Variants in DCC observed in about 807,000 individuals in gnomAD.
The protein encoded by DCC is DCC netrin 1 receptor.
In DCC, 58 loss-of-function variants were observed where a neutral mutation model predicts 172.5. The observed-to-expected ratio is 0.34, with a 90% CI of 0.27 to 0.42. The LOEUF (loss-of-function observed/expected upper bound fraction) is 0.42. DCC is among the 10% of genes least tolerant of loss of function. The probability of loss-of-function intolerance (pLI) is 1.00; values close to 1 mark genes in which losing one functional copy is unlikely to be tolerated. For missense variants in DCC, 1,740 were observed against 1,791.0 expected (o/e 0.97, Z 0.51); for synonymous variants, 709 against 644.5 (o/e 1.10, Z -1.52).
At chr18:53,446,096 TACAAAAAAAAAAAAAAA>T (rs1912583170) in intron 22 of DCC, among the ~76,000 whole-genome samples, 1 of 14,410 alleles carries the variant, frequency 6.9e-5, no homozygotes, top group Admixed American at 8.1e-4. Context: ...ACCCTGTCTC[TACAAAAAAAAAAAAAAA>T]ACAAAAAAAA....
intron 14 of DCC, among the ~76,000 whole-genome samples, chr18:53,323,501 T>C (rs1339842896): frequency 6.6e-6 from 1 of 152,204 alleles, no homozygotes; most frequent in Non-Finnish European, 1.5e-5. Flanking sequence ...TAAGAAACAC[T>C]TGGTTCTTTT....
intron 2 of DCC, among the ~76,000 whole-genome samples, chr18:52,899,980 A>G (rs2039787898): frequency 6.6e-6 from 1 of 152,240 alleles, no homozygotes; most frequent in Non-Finnish European, 1.5e-5. Flanking sequence ...GTATAGAATA[A>G]CATAGACTCG....
At chr18:53,248,567 C>T (rs535875981) in intron 12 of DCC, among the ~76,000 whole-genome samples, 21 of 152,134 alleles carry the variant, frequency 1.4e-4, no homozygotes, top group African/African-American at 4.8e-4. Context: ...GATAACCAAG[C>T]CTGGAAAATA....
intron 1 of DCC, among the ~76,000 whole-genome samples, chr18:52,493,090 A>T (rs1389361057): frequency 6.6e-6 from 1 of 152,106 alleles, no homozygotes; most frequent in Admixed American, 6.6e-5. Context: ...AAACCAAACC[A>T]TAGGGAATGG....
intron 1 of DCC, among the ~76,000 whole-genome samples, chr18:52,394,124 A>G (rs1986130185): frequency 6.6e-6 from 1 of 152,066 alleles, no homozygotes; most frequent in African/African-American, 2.4e-5. Context: ...TCATCTCTAA[A>G]GCCATACCTT....
At chr18:52,695,226 C>T (rs1300205523) in intron 1 of DCC, among the ~76,000 whole-genome samples, 1 of 152,184 alleles carries the variant, frequency 6.6e-6, no homozygotes, top group African/African-American at 2.4e-5. Context: ...GCCTCAATTT[C>T]TTCAGTTATA....
At chr18:52,490,579 C>G (rs980935266) in intron 1 of DCC, among the ~76,000 whole-genome samples, 2 of 152,084 alleles carry the variant, frequency 1.3e-5, no homozygotes, top group African/African-American at 4.8e-5. Flanking sequence ...GTGAAGGGCG[C>G]TTTCTGTTTT....
intron 5 of DCC, among the ~76,000 whole-genome samples, chr18:52,995,387 T>C (rs1353628657): frequency 6.6e-6 from 1 of 152,144 alleles, no homozygotes; most frequent in Non-Finnish European, 1.5e-5. Context: ...CCCATAATCT[T>C]GAGAAGTAAC....
At chr18:52,456,696 G>T (rs985701995) in intron 1 of DCC, among the ~76,000 whole-genome samples, 1 of 152,164 alleles carries the variant, frequency 6.6e-6, no homozygotes, top group Admixed American at 6.5e-5. Flanking sequence ...ATTGCTTAAA[G>T]CTGATGACGG....
chr18:52,939,334 C>T (rs879875290), intron 5 of DCC, among the ~76,000 whole-genome samples: 10 of 152,240 alleles, frequency 6.6e-5, no homozygotes, highest in Non-Finnish European at 1.2e-4. Context: ...TGATTAAGAC[C>T]ATCTCTCATA....
At chr18:53,271,415 G>A (rs1398966509) in intron 12 of DCC, among the ~76,000 whole-genome samples, 2 of 152,174 alleles carry the variant, frequency 1.3e-5, no homozygotes, top group Non-Finnish European at 2.9e-5. Flanking sequence ...GTATGATTCA[G>A]CTGGGTGCCT....
At chr18:52,886,175 G>A (rs2039566692) in intron 2 of DCC, among the ~76,000 whole-genome samples, 1 of 152,018 alleles carries the variant, frequency 6.6e-6, no homozygotes, top group Non-Finnish European at 1.5e-5. Flanking sequence ...ATCTCCCTAG[G>A]TCACATGCCA....
chr18:53,412,849 T>A (rs535549496), intron 20 of DCC, among the ~76,000 whole-genome samples: 2 of 152,256 alleles, frequency 1.3e-5, no homozygotes, highest in African/African-American at 4.8e-5. Flanking sequence ...AAAAGGACAT[T>A]TGTAATTAGA....
At chr18:52,706,926 C>A (rs1334980825) in intron 1 of DCC, among the ~76,000 whole-genome samples, 1 of 151,992 alleles carries the variant, frequency 6.6e-6, no homozygotes, top group Non-Finnish European at 1.5e-5. Context: ...CAGGGAGAGG[C>A]AATATCTAAG....
chr18:53,144,939 A>G (rs2043883264), intron 7 of DCC, among the ~76,000 whole-genome samples: 1 of 151,912 alleles, frequency 6.6e-6, no homozygotes, highest in African/African-American at 2.4e-5. Flanking sequence ...TATTGCTTTT[A>G]TCCCCTAATT....
chr18:53,257,354 A>T (rs944007578), intron 12 of DCC, among the ~76,000 whole-genome samples: 1 of 152,190 alleles, frequency 6.6e-6, no homozygotes, highest in East Asian at 1.9e-4. Flanking sequence ...TGGGTTTGTC[A>T]TAGATAGCTC....
rs184026609 is a variant in DCC at position 52,671,873 on chromosome 18, G to A, written c.92-80181G>A. On this transcript the variant is annotated intron_variant, in intron 1 of 28. Coordinates refer to ENST00000442544, the MANE Select transcript of DCC (RefSeq NM_005215.4). Reference sequence around the variant, plus strand: ...CTTTTTCCCATCACATTTGCAGAACGAAACTCTTGAAAAGGAAGTAAATAC... The same window carrying A: ...CTTTTTCCCATCACATTTGCAGAACAAAACTCTTGAAAAGGAAGTAAATAC... Among the ~76,000 whole-genome samples the A allele has an allele frequency of 1.2e-4, 18 of 152,078 alleles. No homozygotes were observed. In the East Asian group the frequency reaches 2.5e-3, roughly 21 times the overall value.
chr18:53,003,242 A>G (rs1427360974), intron 5 of DCC, among the ~76,000 whole-genome samples: 1 of 152,138 alleles, frequency 6.6e-6, no homozygotes, highest in Non-Finnish European at 1.5e-5. Flanking sequence ...GGCTGCAAGA[A>G]ATCACCATCC....
intron 1 of DCC, among the ~76,000 whole-genome samples, chr18:52,695,405 TAG>T (rs2035997234): frequency 6.6e-6 from 1 of 152,170 alleles, no homozygotes; most frequent in Non-Finnish European, 1.5e-5. Context: ...TGTTGGATGA[TAG>T]AGAGGGTTGA....
Sources: gnomAD v4.1 joint callset for allele counts (sites outside exome capture counted in the v4.1 genomes callset) on GRCh38, gnomAD v4.1.1 for gene constraint, MANE v1.5 for transcripts, NCBI Gene and HGNC (gene_info 2026-07-23, HGNC 2026-07-21) for gene names.